The following ACTR10 variants were observed in gnomAD, a reference collection of about 807,000 sequenced individuals.
ACTR10 encodes actin-related protein 10.
In ACTR10, 43 loss-of-function variants were observed where a neutral mutation model predicts 56.2. The observed-to-expected ratio is 0.77, with a 90% CI of 0.60 to 0.99. The LOEUF (loss-of-function observed/expected upper bound fraction) is 0.99, where lower values mean the gene tolerates loss of function less well. ACTR10 is among the 50% of genes least tolerant of loss of function. The pLI is 0.00. For missense variants in ACTR10, 466 were observed against 507.8 expected (o/e 0.92, Z 0.79); for synonymous variants, 170 against 176.3 (o/e 0.96, Z 0.28).
chr14:58,220,753 G>A (rs1387444227), intron 8 of ACTR10, among the ~76,000 whole-genome samples: 2 of 152,312 alleles, frequency 1.3e-5, no homozygotes, highest in East Asian at 1.9e-4. Flanking sequence ...GATGTTTATT[G>A]TTAGTAGTAA....
At chr14:58,219,215 A>T (rs1566627182) in intron 7 of ACTR10, among the ~76,000 whole-genome samples, 1 of 152,356 alleles carries the variant, frequency 6.6e-6, no homozygotes, top group African/African-American at 2.4e-5. Flanking sequence ...CAATGGTAAT[A>T]TATCCAAACC....
chr14:58,217,435 A>G (rs540868314), intron 7 of ACTR10, among the ~76,000 whole-genome samples: 6 of 152,244 alleles, frequency 3.9e-5, no homozygotes, highest in African/African-American at 1.4e-4. Context: ...TGGGACGCCA[A>G]GGTGAGTGGG....
At chr14:58,211,959 G>GT (rs1356827781) in intron 5 of ACTR10, among the ~76,000 whole-genome samples, 1 of 147,468 alleles carries the variant, frequency 6.8e-6, no homozygotes, top group Non-Finnish European at 1.5e-5. Context: ...AAAAGAATAC[G>GT]TTTTTTCTTT....
chr14:58,214,217 G>C (rs1339601903), intron 6 of ACTR10, among the ~76,000 whole-genome samples: 2 of 152,016 alleles, frequency 1.3e-5, no homozygotes, highest in African/African-American at 4.8e-5. Context: ...ATGTCCATGA[G>C]TTACATTGTT....
At chr14:58,220,952 T>C (rs897206613) in intron 8 of ACTR10, among the ~76,000 whole-genome samples, 1 of 152,148 alleles carries the variant, frequency 6.6e-6, no homozygotes, top group Non-Finnish European at 1.5e-5. Context: ...AAGCATGTTG[T>C]TGAAGGTATG....
chr14:58,202,002 C>CAAAAAAA (rs11460483), intron 1 of ACTR10, among the ~76,000 whole-genome samples: 2 of 99,098 alleles, frequency 2.0e-5, no homozygotes, highest in African/African-American at 4.0e-5. Context: ...GACCCTGCCT[C>CAAAAAAA]AAAAAAAAAA....
intron 10 of ACTR10, among the ~76,000 whole-genome samples, chr14:58,229,379 G>C (rs1358505130): frequency 6.6e-6 from 1 of 152,078 alleles, no homozygotes; most frequent in Non-Finnish European, 1.5e-5. Flanking sequence ...CTGAAAATTT[G>C]CTAAGAATAG....
intron 12 of ACTR10, 147 bp from the exon 13 acceptor site, chr14:58,234,223 T>G: frequency 1.7e-6 from 1 of 571,898 alleles, no homozygotes; most frequent in Non-Finnish European, 2.9e-6. Context: ...AAGAATGGCT[T>G]AACTGGAATT....
At position 58,230,443 on chromosome 14, in the gene ACTR10, A is replaced by G; in HGVS notation, c.833A>G (p.Gln278Arg). 6.3e-7 allele frequency: 1 copy of G among 1,590,216 alleles called. No individual in the cohort carries two copies. Among genetic ancestry groups the G allele is most frequent in the Non-Finnish European group, 8.5e-7 (1 of 1,170,438 alleles). ...EILFEQDNEEQSVATLILDSL... is the reference protein window; with the variant it reads ...EILFEQDNEERSVATLILDSL... ...CTTTTTGAACAAGATAATGAAGAGC[A>G]ATCAGTTGCCACTTTAATATTGGAT... The change falls in exon 11 of 13, where the codon CAA (glutamine) becomes CGA (arginine). Residue 278 changes from glutamine (Q) to arginine (R), a missense_variant. Physicochemically the swap from Gln to Arg is conservative, Grantham distance 43. Coordinates refer to ENST00000254286, the MANE Select transcript of ACTR10 (RefSeq NM_018477.3).
intron 11 of ACTR10, among the ~76,000 whole-genome samples, chr14:58,231,643 C>CTTAACAACTGGCACTGTGAATACACCT (rs1555350918): frequency 6.6e-6 from 1 of 152,164 alleles, no homozygotes; most frequent in East Asian, 1.9e-4. Context: ...TATCTTCCCA[C>CTTAACAACTGGCACTGTGAATACACCT]TTAACAACTG....
intron 1 of ACTR10, 33 bp downstream of exon 1, chr14:58,200,327 C>G (rs776916390): frequency 1.7e-5 from 25 of 1,465,838 alleles, no homozygotes; most frequent in Admixed American, 1.6e-4. Context: ...GTGTTCGACC[C>G]GAGGGGAGGG....
intron 3 of ACTR10, 31 bp downstream of exon 3, chr14:58,208,049 G>A (rs780136154): frequency 1.4e-6 from 2 of 1,470,802 alleles, no homozygotes; most frequent in South Asian, 1.4e-5. Flanking sequence ...TAGCTTTTAT[G>A]ATTAGATAGA....
At chr14:58,226,252 T>A (rs967015089) in intron 10 of ACTR10, among the ~76,000 whole-genome samples, 1 of 151,788 alleles carries the variant, frequency 6.6e-6, no homozygotes, top group Non-Finnish European at 1.5e-5. Flanking sequence ...GGCAACAGAG[T>A]GAGACCCCAT....
At position 58,232,062 on chromosome 14, in the gene ACTR10, A is replaced by C. The variant is rs1351496066; in HGVS notation, c.871-4A>C. ...AATCCTTCTTTTTTTCTTTTTAATAACAGTGTCCGATAGACACCAGGAAGC... is the reference window on the plus strand; with the variant it reads ...AATCCTTCTTTTTTTCTTTTTAATACCAGTGTCCGATAGACACCAGGAAGC... On this transcript the variant is annotated splice_polypyrimidine_tract_variant and splice_region_variant and intron_variant, in intron 11 of 12. Transcript: ENST00000254286. The C allele has an allele frequency of 6.2e-7, 1 of 1,600,148 alleles. No individual in the cohort carries two copies. Among genetic ancestry groups the C allele is most frequent in the Non-Finnish European group, 8.5e-7 (1 of 1,172,492 alleles).
In ACTR10 at chr14:58,213,620, C is replaced by G. The variant is rs755401050; in HGVS notation, c.451-11C>G. The stretch of plus-strand genomic sequence containing the variant: ...TCTCCTAAAATAGTAGTATCCTTGA[C>G]TACTCTATAGATATATGAAGGAATC... On this transcript the variant is annotated splice_polypyrimidine_tract_variant and intron_variant, in intron 5 of 12. Coordinates refer to ENST00000254286, the MANE Select transcript of ACTR10 (RefSeq NM_018477.3). 5.7e-6 allele frequency: 9 copies of G among 1,587,372 alleles called. No individual in the cohort carries two copies. The highest frequency in any genetic ancestry group is 7.7e-6 in the Non-Finnish European group (9 of 1,162,294).
chr14:58,205,354 G>T (rs912268071), intron 2 of ACTR10, among the ~76,000 whole-genome samples: 1 of 131,204 alleles, frequency 7.6e-6, no homozygotes, highest in African/African-American at 2.9e-5. Flanking sequence ...TTGCTCTGTC[G>T]CCCAGGCTGG....
At chr14:58,203,107 G>C (rs1888766479) in intron 2 of ACTR10, among the ~76,000 whole-genome samples, 180 bp downstream of exon 2, 1 of 152,056 alleles carries the variant, frequency 6.6e-6, no homozygotes, top group African/African-American at 2.4e-5. Flanking sequence ...TTTGAGACCA[G>C]CCTGGACAAC....
At chr14:58,231,981 ATATT>A (rs1889547235) in intron 11 of ACTR10, 81 bp from the exon 12 acceptor site, 3 of 772,776 alleles carry the variant, frequency 3.9e-6, no homozygotes, top group Non-Finnish European at 6.1e-6. Context: ...TAATAATAGT[ATATT>A]TATGTATATT....
intron 10 of ACTR10, among the ~76,000 whole-genome samples, chr14:58,228,604 A>G (rs1416427233): frequency 6.7e-6 from 1 of 148,576 alleles, no homozygotes; most frequent in Admixed American, 6.8e-5. Context: ...TCAAAAGGGA[A>G]AAAAAAAAAG....
Sources: allele counts gnomAD v4.1 joint callset (sites outside exome capture counted in the v4.1 genomes callset), GRCh38; gene constraint gnomAD v4.1.1; transcripts MANE v1.5; gene names NCBI Gene and HGNC (gene_info 2026-07-23, HGNC 2026-07-21).